The following DPYSL3 variants were observed in gnomAD, a reference collection of about 807,000 sequenced individuals.
DPYSL3 encodes the protein dihydropyrimidinase like 3, also known as dihydropyrimidinase-related protein 3.
A neutral mutation model predicts 66.1 loss-of-function variants in DPYSL3; 16 were observed. The observed-to-expected ratio is 0.24, with a 90% confidence interval of 0.16 to 0.37. The LOEUF is 0.37. Ranked by LOEUF, DPYSL3 falls within the 10% of genes least tolerant of loss-of-function variation. The probability of loss-of-function intolerance (pLI) is 1.00; values close to 1 mark genes in which losing one functional copy is unlikely to be tolerated. For synonymous variants in DPYSL3, 338 were observed against 345.1 expected (o/e 0.98, Z 0.23); for missense variants, 738 against 916.2 (o/e 0.81, Z 2.51).
At chr5:147,451,387 G>A (rs546513572) in intron 1 of DPYSL3, among the ~76,000 whole-genome samples, 3 of 152,182 alleles carry the variant, frequency 2.0e-5, no homozygotes, top group East Asian at 3.9e-4. Flanking sequence ...GATGGAAGCC[G>A]CACTGAAAAT....
chr5:147,437,153 C>T (rs753593142), intron 1 of DPYSL3, among the ~76,000 whole-genome samples: 1 of 152,184 alleles, frequency 6.6e-6, no homozygotes, highest in African/African-American at 2.4e-5. Context: ...GTTAATGGTA[C>T]CCAGCTCCCT....
At chr5:147,441,832 GT>G (rs1245865794) in intron 1 of DPYSL3, among the ~76,000 whole-genome samples, 1 of 152,098 alleles carries the variant, frequency 6.6e-6, no homozygotes, top group African/African-American at 2.4e-5. Context: ...AGCAAAAAGG[GT>G]TCTGAGATAG....
intron 1 of DPYSL3, among the ~76,000 whole-genome samples, chr5:147,471,922 C>T (rs1344564024): frequency 6.6e-6 from 1 of 152,184 alleles, no homozygotes; most frequent in African/African-American, 2.4e-5. Flanking sequence ...CTCTCCCGCT[C>T]TCTCTTTCTT....
chr5:147,476,817 CTAAAGTGAAATAT>C (rs1561800824), intron 1 of DPYSL3, among the ~76,000 whole-genome samples: 1 of 151,898 alleles, frequency 6.6e-6, no homozygotes, highest in African/African-American at 2.4e-5. Flanking sequence ...TTAGGAATTC[CTAAAGTGAAATAT>C]TAACATGAAC....
intron 1 of DPYSL3, chr5:147,473,307 C>T (rs1753110755): frequency 6.6e-6 from 1 of 152,024 alleles, no homozygotes; most frequent in Admixed American, 6.6e-5. Context: ...TGTTTCTTTC[C>T]CAGTGGAGAC....
intron 9 of DPYSL3, among the ~76,000 whole-genome samples, chr5:147,401,075 C>T (rs913776154): frequency 6.6e-6 from 1 of 152,156 alleles, no homozygotes; most frequent in Non-Finnish European, 1.5e-5. Flanking sequence ...ATAAAATGTA[C>T]TCAAATGAGC....
chr5:147,409,664 G>A (rs1431693725), intron 6 of DPYSL3, among the ~76,000 whole-genome samples: 1 of 152,116 alleles, frequency 6.6e-6, no homozygotes, highest in East Asian at 1.9e-4. Flanking sequence ...ATTGGAACTG[G>A]CAGAAATCCC....
chr5:147,480,242 C>T (rs147911126), intron 1 of DPYSL3, among the ~76,000 whole-genome samples: 26 of 152,282 alleles, frequency 1.7e-4, no homozygotes, highest in African/African-American at 5.3e-4. Flanking sequence ...CTTCTTTTTG[C>T]GCTGTCACTC....
rs866405044 is a variant in DPYSL3 at position 147,392,419 on chromosome 5, G to T, written c.*1616C>A. The T allele has an allele frequency of 6.6e-6, 1 of 152,168 alleles. No homozygotes were observed. The highest frequency in any genetic ancestry group is 2.4e-5 in the African/African-American group (1 of 41,426). 9.4% of individuals were successfully genotyped at this position (152,168 alleles called of 1,614,324 possible). A position where few individuals can be genotyped will look rare whatever the true frequency, so the allele number is the denominator to read the frequency against. On this transcript the variant is annotated 3_prime_UTR_variant, in exon 14 of 14. Coordinates refer to ENST00000343218, the MANE Select transcript of DPYSL3 (RefSeq NM_001197294.2). ...ATTCAAACCTGCAGTCAGAGACAAT[G>T]GTTTCTCCTAAGCAATTAAAAGGTG... is the stretch of plus-strand genomic sequence containing the variant.
intron 1 of DPYSL3, among the ~76,000 whole-genome samples, chr5:147,431,454 T>C (rs56163168): frequency 6.6e-6 from 1 of 152,254 alleles, no homozygotes; most frequent in Non-Finnish European, 1.5e-5. Flanking sequence ...GATACCTTTT[T>C]CTGAGGGTGC....
In DPYSL3 at chr5:147,509,700, A is replaced by C. The variant is rs1753732553; in HGVS notation, c.159T>G (p.Asp53Glu). 2.6e-6 allele frequency: 4 copies of C among 1,535,794 alleles called. No individual in the cohort carries two copies. Among genetic ancestry groups the C allele is most frequent in the Non-Finnish European group, 3.5e-6 (4 of 1,146,776 alleles). ...CGCCCCGCTGCCCCACGCTGAGGGC[A>C]TCGAAATCCAGCGTCTTGCTCTCGA... ...GAFESKTLDF[D>E]ALSVGQRGAK... The change falls in exon 1 of 14, where the codon GAT becomes GAG. Residue 53 changes from aspartate to glutamate, a missense_variant. Asp to Glu is a conservative substitution (Grantham distance 45). Coordinates refer to ENST00000343218, the MANE Select transcript of DPYSL3 (RefSeq NM_001197294.2). The surrounding 1 kb of genome is among the most constrained non-coding windows in gnomAD (Gnocchi z 5.3).
chr5:147,482,870 TGAA>T (rs1753270333), intron 1 of DPYSL3, among the ~76,000 whole-genome samples: 2 of 152,144 alleles, frequency 1.3e-5, no homozygotes, highest in Non-Finnish European at 2.9e-5. Context: ...TGGCAGAAGC[TGAA>T]GAAGAAGCAA....
intron 1 of DPYSL3, among the ~76,000 whole-genome samples, chr5:147,479,667 C>CCCT (rs928815166): frequency 2.0e-5 from 3 of 152,166 alleles, no homozygotes; most frequent in Non-Finnish European, 4.4e-5. Context: ...AAGTTCCCAT[C>CCCT]TTGACTCACA....
At chr5:147,433,546 G>A (rs1752354368) in intron 1 of DPYSL3, among the ~76,000 whole-genome samples, 1 of 152,148 alleles carries the variant, frequency 6.6e-6, no homozygotes. Context: ...GGCTACATTA[G>A]CATCTCTGCC....
At chr5:147,508,446 T>A (rs1296312333) in intron 1 of DPYSL3, among the ~76,000 whole-genome samples, 1 of 152,206 alleles carries the variant, frequency 6.6e-6, no homozygotes, top group Admixed American at 6.5e-5. Flanking sequence ...GAATAATACA[T>A]GCGGATGGAT....
chr5:147,502,853 A>G (rs62379598), intron 1 of DPYSL3, among the ~76,000 whole-genome samples: 83,706 of 151,944 alleles, frequency 0.55, 23,834 homozygotes, highest in African/African-American at 0.69. Flanking sequence ...TGGGATTACA[A>G]GCGTGAGCCA....
At chr5:147,427,589 T>C (rs944460728) in intron 1 of DPYSL3, among the ~76,000 whole-genome samples, 4 of 152,186 alleles carry the variant, frequency 2.6e-5, no homozygotes, top group African/African-American at 9.7e-5. Context: ...TCCAAACTAG[T>C]GTGTACACAT....
At chr5:147,437,535 T>C (rs1752434721) in intron 1 of DPYSL3, among the ~76,000 whole-genome samples, 2 of 152,134 alleles carry the variant, frequency 1.3e-5, no homozygotes, top group Non-Finnish European at 2.9e-5. Flanking sequence ...GGTGTGCAAG[T>C]CTAACAGAAC....
Position 147,494,347 on chromosome 5 carries a change from C to A in DPYSL3, c.381+15131G>T, listed in dbSNP as rs547308571. On this transcript the variant is annotated intron_variant, in intron 1 of 13. Coordinates refer to ENST00000343218, the MANE Select transcript of DPYSL3 (RefSeq NM_001197294.2). Reference sequence around the variant, plus strand: ...TTAAAGTAAGCAGAAGAAAAGATTTCTTTTCTTTTTAAATGATAGATAAAT... The same window carrying A: ...TTAAAGTAAGCAGAAGAAAAGATTTATTTTCTTTTTAAATGATAGATAAAT... 3.3e-5 allele frequency among the ~76,000 whole-genome samples: 5 copies of A among 152,064 alleles called. No individual in the cohort carries two copies. The South Asian group carries it at 1.0e-3, about 32-fold the overall frequency.
Sources: allele counts gnomAD v4.1 joint callset (sites outside exome capture counted in the v4.1 genomes callset), GRCh38; gene constraint gnomAD v4.1.1; non-coding constraint Gnocchi (gnomAD v3.1); transcripts MANE v1.5; gene names NCBI Gene and HGNC (gene_info 2026-07-23, HGNC 2026-07-21).